RRAS2: variants seen among roughly 807,000 people sequenced by gnomAD.
RRAS2 encodes the protein RAS related 2, also known as ras-related protein R-Ras2.
RRAS2 carries 7 observed loss-of-function variants against 27.6 expected under a neutral mutation model. The observed-to-expected ratio is 0.25, with a 90% CI of 0.14 to 0.48. RRAS2 has a LOEUF of 0.48. Among genes scored for constraint, RRAS2 ranks in the 20% least tolerant of loss-of-function variants. The pLI is 0.99. For synonymous variants in RRAS2, 86 were observed against 90.9 expected, an observed-to-expected ratio of 0.95 and a Z score of 0.31; for missense variants, 178 against 256.2, an observed-to-expected ratio of 0.69 and a Z score of 2.08.
chr11:14,313,192 A>G (rs1289087451), intron 1 of RRAS2, among the ~76,000 whole-genome samples: 2 of 152,252 alleles, frequency 1.3e-5, no homozygotes, highest in East Asian at 3.8e-4. Context: ...GTCAAGAGCT[A>G]AACAGCACAT....
chr11:14,313,931 G>A (rs1318968766), intron 1 of RRAS2, among the ~76,000 whole-genome samples: 1 of 152,192 alleles, frequency 6.6e-6, no homozygotes, highest in African/African-American at 2.4e-5. Flanking sequence ...TTACAATGCA[G>A]TAAGTCTCAA....
chr11:14,338,784 A>T (rs1848640183), intron 1 of RRAS2, among the ~76,000 whole-genome samples: 1 of 152,148 alleles, frequency 6.6e-6, no homozygotes, highest in Non-Finnish European at 1.5e-5. Context: ...TACAGATACT[A>T]CAAAACAGTG....
At chr11:14,294,917 A>G in intron 2 of RRAS2, 55 bp from the exon 3 acceptor site, 4 of 1,496,112 alleles carry the variant, frequency 2.7e-6, no homozygotes, top group Non-Finnish European at 3.7e-6. Context: ...CTGCTTCCCC[A>G]CAAGGGCAAG....
At chr11:14,307,784 A>C (rs1270708341) in intron 1 of RRAS2, among the ~76,000 whole-genome samples, 2 of 152,234 alleles carry the variant, frequency 1.3e-5, no homozygotes, top group African/African-American at 4.8e-5. Context: ...ATAGAAAAGT[A>C]AAGTCGTTTC....
At chr11:14,343,729 G>C (rs563338614) in intron 1 of RRAS2, among the ~76,000 whole-genome samples, 1 of 151,912 alleles carries the variant, frequency 6.6e-6, no homozygotes, top group African/African-American at 2.4e-5. Context: ...AGCTACTTCC[G>C]GGGCTGAGGT....
At chr11:14,301,912 G>A (rs997463339) in intron 1 of RRAS2, among the ~76,000 whole-genome samples, 7 of 152,094 alleles carry the variant, frequency 4.6e-5, no homozygotes, top group Non-Finnish European at 1.0e-4. Context: ...GAACCCAGGT[G>A]GCAGAGGTTG....
chr11:14,334,200 T>C (rs1309245837), intron 1 of RRAS2, among the ~76,000 whole-genome samples: 5 of 152,198 alleles, frequency 3.3e-5, no homozygotes, highest in African/African-American at 1.2e-4. Flanking sequence ...AGTGCCCATT[T>C]CCCATAACTT....
chr11:14,291,905 A>G (rs1156711360), intron 4 of RRAS2, among the ~76,000 whole-genome samples: 2 of 152,232 alleles, frequency 1.3e-5, no homozygotes, highest in Admixed American at 1.3e-4. Flanking sequence ...TTGCATATAC[A>G]TAATGATGTT....
At chr11:14,349,345 T>C (rs1434749011) in intron 1 of RRAS2, among the ~76,000 whole-genome samples, 10 of 149,956 alleles carry the variant, frequency 6.7e-5, no homozygotes, top group Admixed American at 6.7e-4. Flanking sequence ...GTATTTTTAG[T>C]AAAGAGGGGG....
chr11:14,297,759 G>A (rs1591451753), intron 1 of RRAS2, among the ~76,000 whole-genome samples: 1 of 151,984 alleles, frequency 6.6e-6, no homozygotes, highest in African/African-American at 2.4e-5. Flanking sequence ...ATAACACCCT[G>A]TCTCTTAAAA....
rs879992402 is a variant in RRAS2 at position 14,311,867 on chromosome 11, CT to C, written c.109-16013del. Among the ~76,000 whole-genome samples the C allele has an allele frequency of 1.9e-3, 285 of 146,496 alleles. 5 individuals are homozygous for C. In the East Asian group the frequency reaches 0.029, roughly 15 times the overall value. The stretch of plus-strand genomic sequence containing the variant: ...ATGGTAGCTTTGTTACTGTGAAAAA[CT>C]TTTTTTTTTTTCTTGAGATAGAGTC... On this transcript the variant is annotated intron_variant, in intron 1 of 5. Transcript: ENST00000256196.
intron 1 of RRAS2, among the ~76,000 whole-genome samples, chr11:14,298,680 A>G (rs1168300333): frequency 6.6e-6 from 1 of 152,194 alleles, no homozygotes; most frequent in South Asian, 2.1e-4. Flanking sequence ...CTTTGTCTAC[A>G]GAGACCATCA....
chr11:14,281,584 A>G lies in RRAS2; in HGVS notation c.527+18T>C, dbSNP rs1554944311. On this transcript the variant is annotated intron_variant, in intron 5 of 5. Coordinates refer to ENST00000256196, the MANE Select transcript of RRAS2 (RefSeq NM_012250.6). ...TAGTAATTTATTAAAACACACATCT[A>G]GAATGTGTTTTGCTTACCTGATAAC... 5 of 1,541,018 alleles carry G rather than the reference A, an allele frequency of 3.2e-6. No homozygotes were observed. Among genetic ancestry groups the G allele is most frequent in the Non-Finnish European group, 4.4e-6 (5 of 1,130,570 alleles).
At chr11:14,289,530 A>G (rs1026680241) in intron 4 of RRAS2, among the ~76,000 whole-genome samples, 13 of 152,234 alleles carry the variant, frequency 8.5e-5, no homozygotes, top group Middle Eastern at 3.2e-3. Context: ...TTTTCTTCCT[A>G]CACCTTTAGC....
chr11:14,300,533 T>C (rs547731849), intron 1 of RRAS2, among the ~76,000 whole-genome samples: 1 of 152,156 alleles, frequency 6.6e-6, no homozygotes, highest in African/African-American at 2.4e-5. Context: ...TGAGCCATGA[T>C]GGCACCACTG....
chr11:14,304,186 G>A (rs1847780038), intron 1 of RRAS2, among the ~76,000 whole-genome samples: 1 of 152,098 alleles, frequency 6.6e-6, no homozygotes, highest in South Asian at 2.1e-4. Context: ...CAAACTCGAG[G>A]GGATACATGT....
At chr11:14,354,962 C>T (rs1591493005) in intron 1 of RRAS2, among the ~76,000 whole-genome samples, 1 of 151,982 alleles carries the variant, frequency 6.6e-6, no homozygotes, top group African/African-American at 2.4e-5. Flanking sequence ...CAGGTGTGAG[C>T]CACCACGCCC....
At chr11:14,331,673 T>TA (rs80130992) in intron 1 of RRAS2, among the ~76,000 whole-genome samples, 2,468 of 81,040 alleles carry the variant, frequency 0.03, 63 homozygotes, top group African/African-American at 0.059. Context: ...CCCCAACTCT[T>TA]AAAAAAAAAA....
chr11:14,310,029 G>T (rs1847924155), intron 1 of RRAS2, among the ~76,000 whole-genome samples: 1 of 152,200 alleles, frequency 6.6e-6, no homozygotes, highest in Admixed American at 6.5e-5. Flanking sequence ...GAGGTGACTG[G>T]AATGGAGGTG....
Sources: gnomAD v4.1 joint callset for allele counts (sites outside exome capture counted in the v4.1 genomes callset) on GRCh38, gnomAD v4.1.1 for gene constraint, MANE v1.5 for transcripts, NCBI Gene and HGNC (gene_info 2026-07-23, HGNC 2026-07-21) for gene names.